ARHGAP20: variants seen among roughly 807,000 people sequenced by gnomAD.
The protein encoded by ARHGAP20 is rho GTPase-activating protein 20.
ARHGAP20 carries 34 observed loss-of-function variants against 73.7 expected under a neutral mutation model. The observed-to-expected ratio is 0.46, with a 90% CI of 0.35 to 0.61. The LOEUF (loss-of-function observed/expected upper bound fraction) is 0.61. Ranked by LOEUF, ARHGAP20 falls within the 20% of genes least tolerant of loss-of-function variation. The pLI, the probability that ARHGAP20 is intolerant of heterozygous loss-of-function variation, is 0.00. For missense variants in ARHGAP20, 1,314 were observed against 1,420.9 expected, an observed-to-expected ratio of 0.92 and a Z score of 1.21; for synonymous variants, 523 against 518.2, an observed-to-expected ratio of 1.01 and a Z score of -0.13.
intron 1 of ARHGAP20, chr11:110,711,840 G>C (rs1950666045): frequency 7.6e-7 from 1 of 1,313,810 alleles, no homozygotes; most frequent in Non-Finnish European, 9.7e-7. Flanking sequence ...GAGGAGCCGG[G>C]CTGCAGAACC....
chr11:110,631,361 A>T (rs188133571), intron 2 of ARHGAP20, among the ~76,000 whole-genome samples: 1 of 152,326 alleles, frequency 6.6e-6, no homozygotes, highest in East Asian at 1.9e-4. Flanking sequence ...TATATAAATT[A>T]ACCAAATATA....
Position 110,581,208 on chromosome 11 carries a change from G to C in ARHGAP20, c.1738C>G (p.Leu580Val). ...AAGCTGTCATAGGAGGAGTCATTCA[G>C]TTGAAAGCAAGAAATATCTGTCAAA... The part of the protein sequence containing the change: ...ENASDISCFQ[L>V]NDSSYDSLEN... The change falls in exon 15 of 15, where the codon CTG becomes GTG. Residue 580 changes from leucine to valine, a missense_variant. Leu to Val is a conservative substitution (Grantham distance 32). Around this residue, in one of 3 missense-constraint regions of ARHGAP20, gnomAD observed 230 missense variants for 317.6 expected, o/e 0.72. Coordinates refer to ENST00000683387, the MANE Select transcript of ARHGAP20 (RefSeq NM_001384657.1). 6.2e-7 allele frequency: 1 copy of C among 1,606,088 alleles called. No individual in the cohort carries two copies. Among genetic ancestry groups the C allele is most frequent in the East Asian group, 2.2e-5 (1 of 44,726 alleles).
intron 9 of ARHGAP20, among the ~76,000 whole-genome samples, chr11:110,604,695 T>TA (rs749586937): frequency 2.0e-5 from 3 of 152,154 alleles, no homozygotes; most frequent in Non-Finnish European, 4.4e-5. Flanking sequence ...CGAAAAATTT[T>TA]AGAGTCCAAA....
At chr11:110,705,178 C>T (rs552327526) in intron 1 of ARHGAP20, among the ~76,000 whole-genome samples, 1 of 152,178 alleles carries the variant, frequency 6.6e-6, no homozygotes, top group African/African-American at 2.4e-5. Flanking sequence ...AAAAGAATAG[C>T]CACCAAGTCC....
chr11:110,666,329 T>C (rs1949723370), intron 2 of ARHGAP20, among the ~76,000 whole-genome samples: 1 of 152,210 alleles, frequency 6.6e-6, no homozygotes. Flanking sequence ...ATCAGCAGCA[T>C]TATTATTGTA....
At position 110,677,113 on chromosome 11, in the gene ARHGAP20, G is replaced by C. The variant is rs142800374; in HGVS notation, c.188+13434C>G. Among the ~76,000 whole-genome samples, 689 of 152,224 alleles carry C rather than the reference G, an allele frequency of 4.5e-3. 4 individuals are homozygous for C. Among genetic ancestry groups the C allele is most frequent in the African/African-American group, 0.015 (642 of 41,526 alleles). ...TGGTCTTCATTATCATGATGTTTCA[G>C]GTTCAAGTGCTTTGGGGCCTTACAA... On this transcript the variant is annotated intron_variant, in intron 2 of 14. Coordinates refer to ENST00000683387, the MANE Select transcript of ARHGAP20 (RefSeq NM_001384657.1).
intron 8 of ARHGAP20, among the ~76,000 whole-genome samples, chr11:110,608,060 T>C (rs1315195056): frequency 6.6e-6 from 1 of 152,200 alleles, no homozygotes; most frequent in African/African-American, 2.4e-5. Flanking sequence ...TCTGAGCATA[T>C]ACATTTGTAG....
chr11:110,660,212 G>A (rs12223844), intron 2 of ARHGAP20, among the ~76,000 whole-genome samples: 24,886 of 151,954 alleles, frequency 0.16, 2,395 homozygotes, highest in East Asian at 0.3. Context: ...CCCTAAAATC[G>A]GCGTTTCTAA....
intron 2 of ARHGAP20, among the ~76,000 whole-genome samples, chr11:110,662,495 TA>T (rs1408178782): frequency 6.6e-6 from 1 of 151,934 alleles, no homozygotes; most frequent in Non-Finnish European, 1.5e-5. Context: ...AAACAAATCT[TA>T]AACAATTTCC....
chr11:110,605,317 T>A (rs1200052342), intron 9 of ARHGAP20, among the ~76,000 whole-genome samples: 1 of 152,180 alleles, frequency 6.6e-6, no homozygotes, highest in Non-Finnish European at 1.5e-5. Flanking sequence ...TGGTTACAAC[T>A]CTTTTTGTCC....
chr11:110,695,711 C>T (rs139100768), intron 1 of ARHGAP20, among the ~76,000 whole-genome samples: 393 of 151,630 alleles, frequency 2.6e-3, no homozygotes, highest in Non-Finnish European at 4.2e-3. Flanking sequence ...TGGACTCTTA[C>T]ACACTGCTGG....
rs755687114 is a variant in ARHGAP20 at position 110,690,555 on chromosome 11, A to C, written c.180T>G (p.Pro60=). ...CAAAGCTTTGCACTTACCTGGTAGT[A>C]GGCCGTTTTTGTAGGGCTTTATCCA... ...LILDKALQKR[P]TTRDSPSASV... Residue 60 remains proline (P), a synonymous_variant, in exon 2 of 15, where the codon CCT becomes CCG. Transcript: ENST00000683387. 1.9e-6 allele frequency: 3 copies of C among 1,613,744 alleles called. No homozygotes were observed. Among genetic ancestry groups the C allele is most frequent in the Non-Finnish European group, 2.5e-6 (3 of 1,179,652 alleles).
chr11:110,581,930 C>CAAAA (rs35432649), intron 14 of ARHGAP20, among the ~76,000 whole-genome samples: 2 of 89,238 alleles, frequency 2.2e-5, no homozygotes, highest in Admixed American at 1.1e-4. Context: ...AAGGAGAGGA[C>CAAAA]AAAAAAAAAA....
intron 1 of ARHGAP20, chr11:110,690,859 C>A: frequency 1.0e-6 from 1 of 995,340 alleles, no homozygotes; most frequent in South Asian, 1.7e-5. Context: ...TTTTTGTGGT[C>A]AGAGAATAAA....
chr11:110,664,476 C>A (rs1248972756), intron 2 of ARHGAP20, among the ~76,000 whole-genome samples: 1 of 152,050 alleles, frequency 6.6e-6, no homozygotes, highest in East Asian at 1.9e-4. Context: ...CGCCTCTAAT[C>A]CCAGCACTTT....
chr11:110,689,314 T>C (rs1292101572), intron 2 of ARHGAP20, among the ~76,000 whole-genome samples: 1 of 152,148 alleles, frequency 6.6e-6, no homozygotes, highest in Non-Finnish European at 1.5e-5. Context: ...GTCATAGATA[T>C]ATCCTTGCTT....
intron 1 of ARHGAP20, among the ~76,000 whole-genome samples, chr11:110,692,600 A>G (rs1050763953): frequency 1.3e-5 from 2 of 152,124 alleles, no homozygotes; most frequent in Admixed American, 6.6e-5. Flanking sequence ...GATCTTCATT[A>G]GTACATAGTT....
intron 9 of ARHGAP20, among the ~76,000 whole-genome samples, chr11:110,605,438 ATATAAAT>A (rs1591310176): frequency 6.6e-6 from 1 of 152,260 alleles, no homozygotes. Context: ...TTAGTATGAA[ATATAAAT>A]TAGAAATTAA....
At chr11:110,662,702 C>T (rs1318878484) in intron 2 of ARHGAP20, among the ~76,000 whole-genome samples, 1 of 151,834 alleles carries the variant, frequency 6.6e-6, no homozygotes, top group African/African-American at 2.4e-5. Flanking sequence ...TTTAAACAAA[C>T]ATCTGTAGTC....
Sources: gnomAD v4.1 joint callset for allele counts (sites outside exome capture counted in the v4.1 genomes callset) on GRCh38, gnomAD v4.1.1 for gene constraint, gnomAD v4.1.1 regional missense constraint, MANE v1.5 for transcripts, NCBI Gene and HGNC (gene_info 2026-07-23, HGNC 2026-07-21) for gene names.